SMIM10L3: variants seen among roughly 807,000 people sequenced by gnomAD.
SMIM10L3 encodes salivary gland specific protein SAGSIN1.
the SMIM10L3 span, chr7:6,329,982 GACTTTACAAGT>G: frequency 4.7e-6 from 1 of 214,070 alleles, no homozygotes; most frequent in Non-Finnish European, 1.0e-5. Flanking sequence ...CAGTGGTGTA[GACTTTACAAGT>G]ATCCACTTCC....
the SMIM10L3 span, chr7:6,331,077 T>C: frequency 5.5e-5 from 88 of 1,613,620 alleles, 1 homozygote; most frequent in East Asian, 1.3e-3. Context: ...GGCTGCATGA[T>C]AGTTTGTCCG....
chr7:6,331,094 C>T, the SMIM10L3 span: 1 of 1,613,440 alleles, frequency 6.2e-7, no homozygotes, highest in Non-Finnish European at 8.5e-7. Flanking sequence ...TCCGAGTCAC[C>T]TCCTCCGGCC....
chr7:6,343,755 C>A, the SMIM10L3 span, among the ~76,000 whole-genome samples: 3 of 152,140 alleles, frequency 2.0e-5, no homozygotes, highest in East Asian at 5.8e-4. Flanking sequence ...GAGGTATTAA[C>A]CTCCTTAAAA....
chr7:6,336,663 G>C, the SMIM10L3 span, among the ~76,000 whole-genome samples: 7 of 149,270 alleles, frequency 4.7e-5, no homozygotes, highest in African/African-American at 1.7e-4. Flanking sequence ...CAGCCTGAGA[G>C]AGCGAGCAAG....
At chr7:6,337,511 T>C in the SMIM10L3 span, among the ~76,000 whole-genome samples, 1 of 151,834 alleles carries the variant, frequency 6.6e-6, no homozygotes, top group Non-Finnish European at 1.5e-5. Context: ...TAAGTCCTTG[T>C]ACAAGGATTT....
the SMIM10L3 span, among the ~76,000 whole-genome samples, chr7:6,340,131 C>A: frequency 6.6e-6 from 1 of 152,064 alleles, no homozygotes; most frequent in Admixed American, 6.6e-5. Flanking sequence ...GTGATCCGCC[C>A]GCCTCGGCCT....
chr7:6,341,897 C>CTGAG, the SMIM10L3 span: 1 of 151,852 alleles, frequency 6.6e-6, no homozygotes, highest in Non-Finnish European at 1.5e-5. Context: ...GCTTGGGAGG[C>CTGAG]TGAGGCAGGA....
At chr7:6,344,356 C>T in the SMIM10L3 span, among the ~76,000 whole-genome samples, 2 of 152,160 alleles carry the variant, frequency 1.3e-5, no homozygotes, top group East Asian at 3.8e-4. Context: ...AGACACCCCA[C>T]TCCCCACCCC....
the SMIM10L3 span, among the ~76,000 whole-genome samples, chr7:6,348,304 TC>T: frequency 6.6e-6 from 1 of 151,770 alleles, no homozygotes; most frequent in Non-Finnish European, 1.5e-5. Context: ...TCAACACCTT[TC>T]CAGCCCATGC....
the SMIM10L3 span, among the ~76,000 whole-genome samples, chr7:6,340,696 G>A: frequency 2.0e-5 from 3 of 152,014 alleles, no homozygotes; most frequent in East Asian, 5.8e-4. Flanking sequence ...TCAGGAGATC[G>A]AGACCATCCT....
the SMIM10L3 span, among the ~76,000 whole-genome samples, chr7:6,331,948 G>A: frequency 4.0e-5 from 6 of 151,636 alleles, no homozygotes; most frequent in East Asian, 1.9e-4. Flanking sequence ...GGTTCGCCAT[G>A]TTGGCCAGGT....
At chr7:6,343,438 ATATATATG>A in the SMIM10L3 span, among the ~76,000 whole-genome samples, 2 of 121,232 alleles carry the variant, frequency 1.6e-5, no homozygotes, top group Non-Finnish European at 3.5e-5. Flanking sequence ...ATATATATAT[ATATATATG>A]ATCTAGGACT....
chr7:6,330,859 G>A, the SMIM10L3 span: 1 of 1,614,216 alleles, frequency 6.2e-7, no homozygotes, highest in Admixed American at 1.7e-5. Flanking sequence ...TGTGCTCGGA[G>A]TGGCTGCTGA....
At chr7:6,330,992 T>C in the SMIM10L3 span, 6 of 1,614,240 alleles carry the variant, frequency 3.7e-6, no homozygotes, top group Non-Finnish European at 5.1e-6. Flanking sequence ...CTTTGTGAAT[T>C]TCCATCAACC....
chr7:6,332,114 A>G, the SMIM10L3 span, among the ~76,000 whole-genome samples: 3 of 60,680 alleles, frequency 4.9e-5, no homozygotes, highest in East Asian at 8.3e-4. Context: ...CATCTCACGG[A>G]AAAAAAAAAA....
At chr7:6,337,244 T>G in the SMIM10L3 span, among the ~76,000 whole-genome samples, 2 of 152,112 alleles carry the variant, frequency 1.3e-5, no homozygotes, top group African/African-American at 4.8e-5. Flanking sequence ...TGGCTGGTTT[T>G]AGCTGTGTCT....
chr7:6,334,528 C>G, the SMIM10L3 span, among the ~76,000 whole-genome samples: 9 of 152,028 alleles, frequency 5.9e-5, no homozygotes, highest in Non-Finnish European at 1.3e-4. Flanking sequence ...AGTGCAGTGG[C>G]AGGATCACAG....
At chr7:6,337,114 C>T in the SMIM10L3 span, among the ~76,000 whole-genome samples, 1 of 150,860 alleles carries the variant, frequency 6.6e-6, no homozygotes, top group African/African-American at 2.4e-5. Flanking sequence ...CTGTCTCGCC[C>T]AGGCTGGAGT....
chr7:6,348,064 C>A, the SMIM10L3 span, among the ~76,000 whole-genome samples: 1 of 151,638 alleles, frequency 6.6e-6, no homozygotes, highest in African/African-American at 2.4e-5. Context: ...GCACGCGCCA[C>A]CACGCCCGGC....
Sources: gnomAD v4.1 joint callset for allele counts (sites outside exome capture counted in the v4.1 genomes callset) on GRCh38, gnomAD v4.1.1 for gene constraint, MANE v1.5 for transcripts, NCBI Gene and HGNC (gene_info 2026-07-23, HGNC 2026-07-21) for gene names.